PCDHA13: variants seen among roughly 807,000 people sequenced by gnomAD.
PCDHA13 encodes protocadherin alpha 13, also known as protocadherin alpha-13.
Under a neutral mutation model 64.8 loss-of-function variants are expected in PCDHA13, and 54 were observed. The ratio of observed to expected loss-of-function variants is 0.83; its 90% CI spans 0.67 to 1.04. PCDHA13 has a LOEUF of 1.04. Ranked by LOEUF, PCDHA13 falls within the 50% of genes least tolerant of loss-of-function variation. The pLI is 0.00. For synonymous variants in PCDHA13, 587 were observed against 564.4 expected, an observed-to-expected ratio of 1.04 and a Z score of -0.57; for missense variants, 1,248 against 1,254.3, an observed-to-expected ratio of 0.99 and a Z score of 0.08.
In PCDHA13 at chr5:140,883,010, A is replaced by G. The variant is rs149814661; in HGVS notation, c.742A>G (p.Lys248Glu). 9.8e-4 allele frequency: 1,586 copies of G among 1,614,156 alleles called. 2 individuals carry two copies. The highest frequency in any genetic ancestry group is 1.3e-3 in the Non-Finnish European group (1,478 of 1,180,036). The part of the protein sequence containing the change: ...NAPEFYQSVY[K>E]VTVLENAFNG... ...CCCGGAATTTTACCAATCCGTTTAT[A>G]AAGTGACGGTGTTAGAGAACGCCTT... Residue 248 changes from lysine to glutamate, a missense_variant, in exon 1 of 4, where the codon AAA (lysine) becomes GAA (glutamate). Coordinates refer to ENST00000289272, the MANE Select transcript of PCDHA13 (RefSeq NM_018904.3).
intron 1 of PCDHA13, among the ~76,000 whole-genome samples, chr5:140,906,598 C>T (rs1258343234): frequency 6.6e-6 from 1 of 152,238 alleles, no homozygotes; most frequent in African/African-American, 2.4e-5. Flanking sequence ...TCCTCTACTA[C>T]TCATTCTGTA....
In PCDHA13 at chr5:140,884,403, T is replaced by A; in HGVS notation, c.2135T>A (p.Val712Glu). ...ATCTGCGCGGTGTCCAGCCTGTTGGTGCTCACGTTGCTGCTGTATACTGCG... is the reference window on the plus strand; with the variant it reads ...ATCTGCGCGGTGTCCAGCCTGTTGGAGCTCACGTTGCTGCTGTATACTGCG... The part of the protein sequence containing the change: ...IAICAVSSLL[V>E]LTLLLYTALR... The change falls in exon 1 of 4, where the codon GTG (valine) becomes GAG (glutamate). Residue 712 changes from valine to glutamate, a missense_variant. Transcript: ENST00000289272. 1 of 1,613,992 alleles carries A rather than the reference T, an allele frequency of 6.2e-7. No individual in the cohort carries two copies. The highest frequency in any genetic ancestry group is 1.6e-4 in the Middle Eastern group (1 of 6,062).
chr5:140,978,820 T>C (rs2096824926), intron 1 of PCDHA13, 129 bp from the exon 2 acceptor site: 1 of 1,517,496 alleles, frequency 6.6e-7, no homozygotes, highest in East Asian at 2.4e-5. Context: ...GAGTTACACA[T>C]GAAATGGCTC....
intron 3 of PCDHA13, among the ~76,000 whole-genome samples, chr5:140,996,531 G>C (rs782175834): frequency 6.6e-6 from 1 of 152,146 alleles, no homozygotes; most frequent in Non-Finnish European, 1.5e-5. Context: ...GGCCCTGTGT[G>C]TTTTGATATT....
At chr5:140,982,041 A>C (rs1450726743) in intron 2 of PCDHA13, among the ~76,000 whole-genome samples, 2 of 152,268 alleles carry the variant, frequency 1.3e-5, no homozygotes, top group Non-Finnish European at 2.9e-5. Context: ...TCCAATTATC[A>C]GAAAATATTT....
intron 1 of PCDHA13, among the ~76,000 whole-genome samples, chr5:140,961,545 C>A (rs1486984950): frequency 6.6e-6 from 1 of 152,146 alleles, no homozygotes; most frequent in Non-Finnish European, 1.5e-5. Flanking sequence ...GTTCCTGCAG[C>A]ATTTCTTTTT....
In PCDHA13 at chr5:140,967,846, C is replaced by T. The variant is rs151021111; in HGVS notation, c.2395-11103C>T. ...TGGTGGACATCGTGGACGTGAATGA[C>T]AATGCCCCAGAGGTGGTGCTCACGG... On this transcript the variant is annotated intron_variant, in intron 1 of 3. Coordinates refer to ENST00000289272, the MANE Select transcript of PCDHA13 (RefSeq NM_018904.3). 708 of 1,614,166 alleles carry T rather than the reference C, an allele frequency of 4.4e-4. 2 individuals are homozygous for T. Among genetic ancestry groups the T allele is most frequent in the Middle Eastern group, 2.8e-3 (17 of 6,062 alleles).
chr5:140,952,406 T>G (rs2094740405), intron 1 of PCDHA13, among the ~76,000 whole-genome samples: 1 of 151,900 alleles, frequency 6.6e-6, no homozygotes, highest in Admixed American at 6.6e-5. Flanking sequence ...ATTCTCAAAT[T>G]TAATGTTCCG....
At chr5:140,935,840 G>T (rs155359) in intron 1 of PCDHA13, among the ~76,000 whole-genome samples, 87,412 of 151,068 alleles carry the variant, frequency 0.58, 26,203 homozygotes, top group African/African-American at 0.75. Context: ...ATTCCATACT[G>T]CTTAATGGTG....
At chr5:140,953,135 G>C (rs1331167155) in intron 1 of PCDHA13, among the ~76,000 whole-genome samples, 2 of 152,126 alleles carry the variant, frequency 1.3e-5, no homozygotes, top group Non-Finnish European at 2.9e-5. Flanking sequence ...CCGTATCACT[G>C]TTATATTTCT....
At chr5:140,894,808 A>G (rs541905033) in intron 1 of PCDHA13, among the ~76,000 whole-genome samples, 2 of 152,096 alleles carry the variant, frequency 1.3e-5, no homozygotes, top group African/African-American at 4.8e-5. Flanking sequence ...AAATAATTTT[A>G]TATCAGATTT....
At chr5:140,988,471 G>A (rs1442408975) in intron 3 of PCDHA13, among the ~76,000 whole-genome samples, 1 of 152,078 alleles carries the variant, frequency 6.6e-6, no homozygotes, top group Non-Finnish European at 1.5e-5. Context: ...TGTGGGAAGG[G>A]GAATTAGCAT....
chr5:140,996,803 G>A (rs2097746425), intron 3 of PCDHA13, among the ~76,000 whole-genome samples: 1 of 152,224 alleles, frequency 6.6e-6, no homozygotes, highest in African/African-American at 2.4e-5. Flanking sequence ...ATCCAATCAT[G>A]CTTTCCAAAA....
chr5:141,009,563 C>T (rs1588242901), intron 3 of PCDHA13, 64 bp from the exon 4 acceptor site: 2 of 1,571,920 alleles, frequency 1.3e-6, no homozygotes, highest in Non-Finnish European at 1.7e-6. Flanking sequence ...TGTACTCTAC[C>T]AGCAGTGTGG....
At chr5:140,998,472 A>G (rs1212895520) in intron 3 of PCDHA13, among the ~76,000 whole-genome samples, 1 of 151,938 alleles carries the variant, frequency 6.6e-6, no homozygotes, top group Non-Finnish European at 1.5e-5. Context: ...TTTTCCTCCC[A>G]CTGTGCTGTA....
intron 3 of PCDHA13, among the ~76,000 whole-genome samples, chr5:140,987,130 C>G (rs1220504537): frequency 6.6e-6 from 1 of 151,648 alleles, no homozygotes; most frequent in East Asian, 1.9e-4. Context: ...AGGAGAATTG[C>G]TTGAACTCGG....
chr5:140,994,667 T>G (rs2097644091), intron 3 of PCDHA13, among the ~76,000 whole-genome samples: 1 of 152,140 alleles, frequency 6.6e-6, no homozygotes, highest in Non-Finnish European at 1.5e-5. Flanking sequence ...ATCACACTAC[T>G]GCACTCCAGC....
intron 1 of PCDHA13, among the ~76,000 whole-genome samples, chr5:140,903,945 C>G (rs191892568): frequency 2.6e-5 from 4 of 152,162 alleles, no homozygotes; most frequent in Non-Finnish European, 5.9e-5. Context: ...CTCTTAAATA[C>G]TGGAAAATTA....
At chr5:140,894,405 CT>C (rs1198263353) in intron 1 of PCDHA13, among the ~76,000 whole-genome samples, 2 of 151,926 alleles carry the variant, frequency 1.3e-5, no homozygotes, top group African/African-American at 4.8e-5. Context: ...CTTTGCTTTT[CT>C]TTTGTAGCTA....
Sources: allele counts gnomAD v4.1 joint callset (sites outside exome capture counted in the v4.1 genomes callset), GRCh38; gene constraint gnomAD v4.1.1; transcripts MANE v1.5; gene names NCBI Gene and HGNC (gene_info 2026-07-23, HGNC 2026-07-21).